The following SLC7A11 variants were observed in gnomAD, a reference collection of about 807,000 sequenced individuals.
SLC7A11 encodes the protein cystine/glutamate transporter.
A neutral mutation model predicts 54.5 loss-of-function variants in SLC7A11; 35 were observed. The observed-to-expected ratio is 0.64, with a 90% CI of 0.49 to 0.85. The LOEUF (loss-of-function observed/expected upper bound fraction) is 0.85. Among genes scored for constraint, SLC7A11 ranks in the 40% least tolerant of loss-of-function variants. The pLI is 0.00. For missense variants in SLC7A11, 583 were observed against 618.1 expected (o/e 0.94, Z 0.60); for synonymous variants, 230 against 225.2 (o/e 1.02, Z -0.19).
Position 138,185,161 on chromosome 4 carries a change from A to G in SLC7A11, c.875T>C (p.Ile292Thr), listed in dbSNP as rs144628608. Residue 292 changes from isoleucine (I) to threonine (T), a missense_variant, in exon 7 of 12, where the codon ATT becomes ACT. By Grantham distance (89) the Ile-to-Thr change is moderately conservative. Transcript: ENST00000280612. The part of the protein sequence containing the change: ...VLTNVAYFTT[I>T]NAEELLLSNA... ...TGAAAGCAGCAGCTCCTCAGCATTA[A>G]TGGTCGTAAAGTAGGCCACATTTGT... 2,137 of 1,612,968 alleles carry G rather than the reference A, an allele frequency of 1.3e-3. 4 individuals are homozygous for G. The highest frequency in any genetic ancestry group is 1.5e-3 in the Non-Finnish European group (1,731 of 1,179,244).
At chr4:138,209,364 T>A (rs1297359705) in intron 6 of SLC7A11, among the ~76,000 whole-genome samples, 1 of 151,996 alleles carries the variant, frequency 6.6e-6, no homozygotes, top group Non-Finnish European at 1.5e-5. Flanking sequence ...ACAAAGAAGA[T>A]GGAATCATAA....
intron 6 of SLC7A11, among the ~76,000 whole-genome samples, chr4:138,188,844 A>G (rs1048953162): frequency 1.3e-5 from 2 of 152,204 alleles, no homozygotes; most frequent in East Asian, 3.9e-4. Flanking sequence ...CTCACTCTTA[A>G]CAAAATTAAG....
chr4:138,197,311 T>C (rs1737162260), intron 6 of SLC7A11, among the ~76,000 whole-genome samples: 1 of 152,154 alleles, frequency 6.6e-6, no homozygotes, highest in Admixed American at 6.6e-5. Flanking sequence ...TGGCATTTGC[T>C]ATGTTGTTAA....
At chr4:138,195,221 T>A (rs1259417648) in intron 6 of SLC7A11, among the ~76,000 whole-genome samples, 3 of 152,216 alleles carry the variant, frequency 2.0e-5, no homozygotes, top group Non-Finnish European at 4.4e-5. Context: ...GTCAGACCTC[T>A]GGACGGTCAC....
rs1195501246 is a variant in SLC7A11 at position 138,164,314 on chromosome 4, A to G, written c.*7642T>C. 1 of 152,168 alleles carries G rather than the reference A, an allele frequency of 6.6e-6. No homozygotes were observed. The highest frequency in any genetic ancestry group is 1.5e-5 in the Non-Finnish European group (1 of 68,010). The allele number at this position is 152,168 out of a possible 1,614,324, so 9.4% of individuals were successfully genotyped here. ...AGCACATGCATCAAGAGTTTCCATA[A>G]GATGAAAACAAACACACTTACTTCA... is the stretch of plus-strand genomic sequence containing the variant. On this transcript the variant is annotated 3_prime_UTR_variant, in exon 12 of 12. Coordinates refer to ENST00000280612, the MANE Select transcript of SLC7A11 (RefSeq NM_014331.4).
At chr4:138,212,175 T>A (rs913188540) in intron 6 of SLC7A11, among the ~76,000 whole-genome samples, 1 of 151,778 alleles carries the variant, frequency 6.6e-6, no homozygotes, top group African/African-American at 2.4e-5. Flanking sequence ...ATAATAGAGA[T>A]CAAAAATGCA....
rs1736230859 is a variant in SLC7A11, at chr4:138,165,383, T to G, written c.*6573A>C. On this transcript the variant is annotated 3_prime_UTR_variant, in exon 12 of 12. Coordinates refer to ENST00000280612, the MANE Select transcript of SLC7A11 (RefSeq NM_014331.4). ...CCAATAAGTTTGCCGAAGTATTCAG[T>G]ACAAGAGGCCATTTGTCTTGCCTTT... 1 of 152,598 alleles carries G rather than the reference T, an allele frequency of 6.6e-6. No homozygotes were observed. The highest frequency in any genetic ancestry group is 2.1e-4 in the South Asian group (1 of 4,830). 9.5% of individuals were successfully genotyped at this position (152,598 alleles called of 1,614,324 possible).
At chr4:138,240,731 G>A (rs547692498) in intron 1 of SLC7A11, among the ~76,000 whole-genome samples, 2 of 152,280 alleles carry the variant, frequency 1.3e-5, no homozygotes, top group South Asian at 2.1e-4. Context: ...TTGTTAGTTA[G>A]TGTTAGTCCC....
At chr4:138,218,520 T>C (rs1024772358) in intron 5 of SLC7A11, among the ~76,000 whole-genome samples, 3 of 152,208 alleles carry the variant, frequency 2.0e-5, no homozygotes, top group African/African-American at 7.2e-5. Flanking sequence ...CTCTTATCCA[T>C]GATTACATGA....
chr4:138,200,080 G>A (rs1040468038), intron 6 of SLC7A11, among the ~76,000 whole-genome samples: 6 of 152,104 alleles, frequency 3.9e-5, no homozygotes, highest in African/African-American at 1.4e-4. Context: ...TCATTTTCTG[G>A]CTGAAAACAA....
rs571627829 is a variant in SLC7A11 at position 138,165,940 on chromosome 4, C to T, written c.*6016G>A. On this transcript the variant is annotated 3_prime_UTR_variant, in exon 12 of 12. Coordinates refer to ENST00000280612, the MANE Select transcript of SLC7A11 (RefSeq NM_014331.4). The stretch of plus-strand genomic sequence containing the variant: ...GCAATAATCATAGTGATTTACATTG[C>T]TTTTCTTCTTTCAGAGCAATAAGAA... The T allele has an allele frequency of 6.6e-6, 1 of 152,210 alleles. No individual in the cohort carries two copies. The highest frequency in any genetic ancestry group is 1.9e-4 in the East Asian group (1 of 5,178). 9.4% of individuals were successfully genotyped at this position (152,210 alleles called of 1,614,324 possible). A position where few individuals can be genotyped will look rare whatever the true frequency, so the allele number is the denominator to read the frequency against.
At position 138,182,397 on chromosome 4, in the gene SLC7A11, A is replaced by C. The variant is rs763194903; in HGVS notation, c.1020-4T>G. 1 of 1,568,074 alleles carries C rather than the reference A, an allele frequency of 6.4e-7. No homozygotes were observed. Among genetic ancestry groups the C allele is most frequent in the Non-Finnish European group, 8.8e-7 (1 of 1,138,934 alleles). On this transcript the variant is annotated splice_polypyrimidine_tract_variant and splice_region_variant and intron_variant, in intron 8 of 11. Transcript: ENST00000280612. Reference sequence around the variant, plus strand: ...TCGAGACGCAACATAGAATAACCTGATGGGAGAGAAATGTGGGTGGAGTTG... The same window carrying C: ...TCGAGACGCAACATAGAATAACCTGCTGGGAGAGAAATGTGGGTGGAGTTG...
intron 6 of SLC7A11, among the ~76,000 whole-genome samples, chr4:138,192,521 G>A (rs1186568630): frequency 6.6e-6 from 1 of 152,118 alleles, no homozygotes; most frequent in Admixed American, 6.6e-5. Flanking sequence ...TTTGTGGGTT[G>A]TCTGTTGTAA....
At position 138,215,248 on chromosome 4, in the gene SLC7A11, AT is replaced by A. The variant is rs527681768; in HGVS notation, c.747-620del. Among the ~76,000 whole-genome samples, 319 of 152,322 alleles carry A rather than the reference AT, an allele frequency of 2.1e-3. 2 individuals are homozygous for A. Among genetic ancestry groups the A allele is most frequent in the African/African-American group, 7.1e-3 (294 of 41,580 alleles). Reference sequence around the variant, plus strand: ...AGAAAATTTTTGTGAAATAAAAAAAATCATATATTCAATATAATCTTCCATT... The same window carrying A: ...AGAAAATTTTTGTGAAATAAAAAAAACATATATTCAATATAATCTTCCATT... On this transcript the variant is annotated intron_variant, in intron 5 of 11. Coordinates refer to ENST00000280612, the MANE Select transcript of SLC7A11 (RefSeq NM_014331.4).
intron 4 of SLC7A11, among the ~76,000 whole-genome samples, chr4:138,222,865 T>TG (rs1737848587): frequency 6.7e-6 from 1 of 150,232 alleles, no homozygotes; most frequent in Non-Finnish European, 1.5e-5. Context: ...AATTTTAAAG[T>TG]AAAAAAAAGA....
At chr4:138,213,862 AC>A (rs1358666213) in intron 6 of SLC7A11, among the ~76,000 whole-genome samples, 2 of 152,110 alleles carry the variant, frequency 1.3e-5, no homozygotes, top group Non-Finnish European at 2.9e-5. Flanking sequence ...GAATTAAATA[AC>A]TTTATAATTT....
At chr4:138,228,868 C>A (rs1235524488) in intron 3 of SLC7A11, among the ~76,000 whole-genome samples, 1 of 151,640 alleles carries the variant, frequency 6.6e-6, no homozygotes, top group African/African-American at 2.4e-5. Context: ...CTTCCACGCA[C>A]CTGACATGTT....
chr4:138,211,187 A>G (rs1737539272), intron 6 of SLC7A11, among the ~76,000 whole-genome samples: 1 of 151,908 alleles, frequency 6.6e-6, no homozygotes, highest in Non-Finnish European at 1.5e-5. Flanking sequence ...GGAGGTAAAC[A>G]TTGGGTACTC....
chr4:138,165,692 A>G lies in SLC7A11; in HGVS notation c.*6264T>C, dbSNP rs1304523617. 2 of 152,172 alleles carry G rather than the reference A, an allele frequency of 1.3e-5. No homozygotes were observed. The highest frequency in any genetic ancestry group is 2.9e-5 in the Non-Finnish European group (2 of 68,014). The allele number at this position is 152,172 out of a possible 1,614,324, so 9.4% of individuals were successfully genotyped here. A position where few individuals can be genotyped will look rare whatever the true frequency, so the allele number is the denominator to read the frequency against. On this transcript the variant is annotated 3_prime_UTR_variant, in exon 12 of 12. Transcript: ENST00000280612. ...AAGCAAAATATATCCTGATACTACT[A>G]TAGATTCTAGGAATTGTCCTAAAAG...
Sources: allele counts gnomAD v4.1 joint callset (sites outside exome capture counted in the v4.1 genomes callset), GRCh38; gene constraint gnomAD v4.1.1; transcripts MANE v1.5; gene names NCBI Gene and HGNC (gene_info 2026-07-23, HGNC 2026-07-21).